ADCY1: variants seen among roughly 807,000 people sequenced by gnomAD.
ADCY1 encodes adenylate cyclase 1, also known as adenylate cyclase type 1.
ADCY1 carries 28 observed loss-of-function variants against 105.4 expected under a neutral mutation model. That is an observed-to-expected ratio of 0.27 (90% CI 0.20 to 0.36). ADCY1 has a LOEUF of 0.36. Ranked by LOEUF, ADCY1 falls within the 10% of genes least tolerant of loss-of-function variation. The probability of loss-of-function intolerance (pLI) is 1.00; values close to 1 mark genes in which losing one functional copy is unlikely to be tolerated. For synonymous variants in ADCY1, 655 were observed against 623.8 expected (o/e 1.05, Z -0.75); for missense variants, 977 against 1,434.2 (o/e 0.68, Z 5.15).
chr7:45,663,241 G>A (rs1175548891), intron 8 of ADCY1, among the ~76,000 whole-genome samples: 3 of 152,368 alleles, frequency 2.0e-5, no homozygotes, highest in South Asian at 2.1e-4. Flanking sequence ...CAGCCTCAGC[G>A]TTTGATGGAG....
At position 45,666,589 on chromosome 7, in the gene ADCY1, C is replaced by T. The variant is rs78913772; in HGVS notation, c.1605+4375C>T. Among the ~76,000 whole-genome samples the T allele has an allele frequency of 6.5e-3, 992 of 152,286 alleles. 15 individuals are homozygous for T. The highest frequency in any genetic ancestry group is 0.023 in the African/African-American group (944 of 41,544). On this transcript the variant is annotated intron_variant, in intron 8 of 19. Transcript: ENST00000297323. ...TGTGAATAGTGCCGCAATAAACATA[C>T]GTGTGCATTTGTCTTTATAGCAGCA... is the stretch of plus-strand genomic sequence containing the variant.
At position 45,648,809 on chromosome 7, in the gene ADCY1, G is replaced by T; in HGVS notation, c.1148+12G>T. 6.2e-7 allele frequency: 1 copy of T among 1,612,618 alleles called. No homozygotes were observed. Among genetic ancestry groups the T allele is most frequent in the South Asian group, 1.1e-5 (1 of 90,994 alleles). On this transcript the variant is annotated intron_variant, in intron 5 of 19. Transcript: ENST00000297323. Reference sequence around the variant, plus strand: ...ATTGATACCATCACGTAAGTACCCCGTGGGGCTGAGAGGAGTGGCCTGGGG... The same window carrying T: ...ATTGATACCATCACGTAAGTACCCCTTGGGGCTGAGAGGAGTGGCCTGGGG...
Position 45,710,046 on chromosome 7 carries a change from A to G in ADCY1, c.2933-482A>G, listed in dbSNP as rs1199220859. On this transcript the variant is annotated intron_variant, in intron 18 of 19. Transcript: ENST00000297323. This position sits in a 1 kb window ranked among gnomAD's most constrained non-coding sequence, Gnocchi z 4.7. ...CAGAGCATTCTGCACCATCTTGCTTAGTTATGGGGCCCATACTCTAAAATA... is the reference window on the plus strand; with the variant it reads ...CAGAGCATTCTGCACCATCTTGCTTGGTTATGGGGCCCATACTCTAAAATA... 6.6e-6 allele frequency among the ~76,000 whole-genome samples: 1 copy of G among 152,204 alleles called. No homozygotes were observed. The highest frequency in any genetic ancestry group is 1.9e-4 in the East Asian group (1 of 5,188).
chr7:45,672,747 C>T (rs925060244), intron 8 of ADCY1, among the ~76,000 whole-genome samples: 10 of 151,906 alleles, frequency 6.6e-5, no homozygotes, highest in African/African-American at 1.7e-4. Context: ...ATCATCATGT[C>T]GTCTGAAACT....
At chr7:45,653,094 C>A (rs1794853297) in intron 5 of ADCY1, among the ~76,000 whole-genome samples, 1 of 152,186 alleles carries the variant, frequency 6.6e-6, no homozygotes, top group Admixed American at 6.5e-5. Context: ...GATATACATT[C>A]CCTGTTTGGG....
At position 45,703,004 on chromosome 7, in the gene ADCY1, G is replaced by A. The variant is rs528805439; in HGVS notation, c.2455-372G>A. On this transcript the variant is annotated intron_variant, in intron 14 of 19. Transcript: ENST00000297323. The surrounding 1 kb of genome is among the most constrained non-coding windows in gnomAD (Gnocchi z 5.9). ...AGGCATTCTAGGACAGGTGCCCTGC[G>A]GGGCACATCAGGAGCTGCCTGGGGG... Among the ~76,000 whole-genome samples, 6 of 152,336 alleles carry A rather than the reference G, an allele frequency of 3.9e-5. No homozygotes were observed. In the East Asian group the frequency reaches 9.7e-4, roughly 25 times the overall value.
intron 4 of ADCY1, among the ~76,000 whole-genome samples, chr7:45,633,728 G>C (rs1347011183): frequency 1.3e-5 from 2 of 151,628 alleles, no homozygotes; most frequent in South Asian, 2.1e-4. Flanking sequence ...CTTGAACCCG[G>C]GAGGCAGAGG....
intron 19 of ADCY1, among the ~76,000 whole-genome samples, chr7:45,711,745 G>A (rs983241215): frequency 5.0e-5 from 7 of 140,304 alleles, no homozygotes; most frequent in South Asian, 2.2e-4. Context: ...GTATATATAC[G>A]TGTGTGTATA....
At chr7:45,626,413 G>A (rs563605863) in intron 4 of ADCY1, among the ~76,000 whole-genome samples, 6 of 152,318 alleles carry the variant, frequency 3.9e-5, no homozygotes, top group African/African-American at 9.6e-5. Flanking sequence ...AGTCAGCCCC[G>A]TGGAGCCTCC....
At chr7:45,595,284 C>T (rs1319864699) in intron 2 of ADCY1, among the ~76,000 whole-genome samples, 2 of 152,222 alleles carry the variant, frequency 1.3e-5, no homozygotes, top group African/African-American at 4.8e-5. Context: ...CCAGGCCTCA[C>T]CCAGCCCTGT....
rs971077781 is a variant in ADCY1, at chr7:45,592,683, C to G, written c.640-76C>G. The G allele has an allele frequency of 1.6e-5, 26 of 1,588,444 alleles. No homozygotes were observed. The African/African-American group carries it at 2.6e-4, about 16-fold the overall frequency. On this transcript the variant is annotated intron_variant, in intron 1 of 19. Transcript: ENST00000297323. ...TGGCTTTTGGAGAGCTCTTGCTATG[C>G]TCTCCGGGCGGCCTAGGCCCTCTTT...
chr7:45,581,932 A>G (rs1042685913), intron 1 of ADCY1, among the ~76,000 whole-genome samples: 3 of 152,160 alleles, frequency 2.0e-5, no homozygotes, highest in Non-Finnish European at 2.9e-5. Flanking sequence ...ATGCATGCAC[A>G]TAATCACACA....
intron 4 of ADCY1, among the ~76,000 whole-genome samples, chr7:45,630,681 G>A (rs1794221136): frequency 6.6e-6 from 1 of 151,426 alleles, no homozygotes; most frequent in Admixed American, 6.6e-5. Flanking sequence ...CCCTTTTTCT[G>A]TATGTGTGTA....
chr7:45,687,554 C>T (rs183826600), intron 14 of ADCY1, among the ~76,000 whole-genome samples: 2 of 152,330 alleles, frequency 1.3e-5, no homozygotes, highest in African/African-American at 2.4e-5. Context: ...GGGAAAATTG[C>T]TCCTCCTAGG....
intron 4 of ADCY1, among the ~76,000 whole-genome samples, chr7:45,640,307 CTCCAATGGCT>C (rs1322523502): frequency 6.6e-6 from 1 of 152,192 alleles, no homozygotes; most frequent in Non-Finnish European, 1.5e-5. Flanking sequence ...GACAGAACCT[CTCCAATGGCT>C]TGCAAGCAAG....
intron 8 of ADCY1, 33 bp downstream of exon 8, chr7:45,662,247 G>C: frequency 6.3e-7 from 1 of 1,599,806 alleles, no homozygotes; most frequent in South Asian, 1.1e-5. Context: ...CCATGCTGGA[G>C]CTGCCAGGGA....
At chr7:45,643,875 T>C (rs774126697) in intron 4 of ADCY1, among the ~76,000 whole-genome samples, 13 of 152,202 alleles carry the variant, frequency 8.5e-5, no homozygotes, top group Non-Finnish European at 1.6e-4. Context: ...CAGGGCACGC[T>C]GATTCCTCAG....
Position 45,659,770 on chromosome 7 carries a change from T to C in ADCY1, c.1308-272T>C, listed in dbSNP as rs189178649. Among the ~76,000 whole-genome samples, 1,649 of 148,880 alleles carry C rather than the reference T, an allele frequency of 0.011. 59 individuals are homozygous for C. In the East Asian group the frequency reaches 0.14, roughly 12 times the overall value. On this transcript the variant is annotated intron_variant, in intron 6 of 19. Coordinates refer to ENST00000297323, the MANE Select transcript of ADCY1 (RefSeq NM_021116.4). ...TCCTGATGTATTCTTTCTCTCTCTC[T>C]CTTGGTTCCTCTGCTCTCCCTCTGG...
intron 2 of ADCY1, among the ~76,000 whole-genome samples, chr7:45,596,138 G>A (rs1468109817): frequency 1.3e-5 from 2 of 152,280 alleles, no homozygotes; most frequent in African/African-American, 4.8e-5. Flanking sequence ...CAGGCCTCAT[G>A]TGTGTCAGCA....
Sources: allele counts gnomAD v4.1 joint callset (sites outside exome capture counted in the v4.1 genomes callset), GRCh38; gene constraint gnomAD v4.1.1; non-coding constraint Gnocchi (gnomAD v3.1); transcripts MANE v1.5; gene names NCBI Gene and HGNC (gene_info 2026-07-23, HGNC 2026-07-21).